Variants in PRDM16 observed in about 807,000 individuals in gnomAD.
The protein encoded by PRDM16 is PR/SET domain 16.
Under a neutral mutation model 110.6 loss-of-function variants are expected in PRDM16, and 23 were observed. The ratio of observed to expected loss-of-function variants is 0.21; its 90% CI spans 0.15 to 0.29. The LOEUF (loss-of-function observed/expected upper bound fraction) is 0.29. Ranked by LOEUF, PRDM16 falls within the 10% of genes least tolerant of loss-of-function variation. The pLI is 1.00. For missense variants in PRDM16, 1,615 were observed against 1,794.3 expected (o/e 0.90, Z 1.81); for synonymous variants, 799 against 781.8 (o/e 1.02, Z -0.37).
chr1:3,199,411 G>A (rs552465089), intron 2 of PRDM16, among the ~76,000 whole-genome samples: 2 of 152,304 alleles, frequency 1.3e-5, no homozygotes, highest in African/African-American at 2.4e-5. Flanking sequence ...TGCCAGTGGG[G>A]CTCTGCTGAG....
intron 1 of PRDM16, among the ~76,000 whole-genome samples, chr1:3,089,341 A>AC (rs34284014): frequency 2.0e-5 from 3 of 151,844 alleles, no homozygotes; most frequent in Admixed American, 2.0e-4. Context: ...CCTGGGACCC[A>AC]CCCCCCACCG....
intron 1 of PRDM16, among the ~76,000 whole-genome samples, chr1:3,118,121 G>A (rs530558089): frequency 3.8e-4 from 58 of 151,112 alleles, no homozygotes; most frequent in African/African-American, 5.6e-4. Flanking sequence ...GTGCGTGTGC[G>A]TGTGTGCGTG....
At chr1:3,329,168 G>A (rs1161319694) in intron 3 of PRDM16, among the ~76,000 whole-genome samples, 5 of 152,234 alleles carry the variant, frequency 3.3e-5, no homozygotes, top group African/African-American at 1.2e-4. Flanking sequence ...CCCAGCAGTT[G>A]TAGGTAGGAA....
intron 5 of PRDM16, among the ~76,000 whole-genome samples, chr1:3,401,567 T>C (rs1021728016): frequency 1.3e-4 from 20 of 152,156 alleles, no homozygotes; most frequent in African/African-American, 3.4e-4. Context: ...TATTCATGCC[T>C]GCACAACTAC....
chr1:3,196,193 C>T (rs184941322), intron 2 of PRDM16, among the ~76,000 whole-genome samples: 37 of 152,334 alleles, frequency 2.4e-4, no homozygotes, highest in African/African-American at 8.2e-4. Flanking sequence ...AGACCCGGTT[C>T]CTGCCCCCAC....
chr1:3,145,895 G>C (rs1194160415), intron 1 of PRDM16, among the ~76,000 whole-genome samples: 1 of 152,226 alleles, frequency 6.6e-6, no homozygotes, highest in African/African-American at 2.4e-5. Flanking sequence ...AGCCCGGTCA[G>C]CCCGGGGTCA....
At chr1:3,258,767 G>A (rs1001572555) in intron 3 of PRDM16, among the ~76,000 whole-genome samples, 1 of 152,226 alleles carries the variant, frequency 6.6e-6, no homozygotes, top group East Asian at 1.9e-4. Flanking sequence ...GCCGGCTCAC[G>A]CACACCGGGT....
At position 3,411,732 on chromosome 1, in the gene PRDM16, C is replaced by T. The variant is rs1457100796; in HGVS notation, c.1535C>T (p.Pro512Leu). 1 of 1,611,610 alleles carries T rather than the reference C, an allele frequency of 6.2e-7. No individual in the cohort carries two copies. Among genetic ancestry groups the T allele is most frequent in the South Asian group, 1.1e-5 (1 of 90,730 alleles). Residue 512 changes from proline to leucine, a missense_variant, in exon 9 of 17, where the codon CCC (proline) becomes CTC (leucine). This residue lies in a region of PRDM16 where 772 missense variants were observed against 748.3 expected (regional missense o/e 1.03). Transcript: ENST00000270722. ...CCTCCCACGTTCCCCGCACTCACCC[C>T]CGGCTTCCCGGGCATCTTCCCTCCA... ...TAPPTFPALT[P>L]GFPGIFPPSL...
At chr1:3,274,485 C>G (rs1640537965) in intron 3 of PRDM16, among the ~76,000 whole-genome samples, 2 of 152,178 alleles carry the variant, frequency 1.3e-5, no homozygotes, top group South Asian at 4.1e-4. Flanking sequence ...TAGCCGGCTG[C>G]GGAAGGAAGG....
intron 1 of PRDM16, among the ~76,000 whole-genome samples, chr1:3,108,064 A>G (rs932521910): frequency 1.3e-5 from 2 of 152,328 alleles, no homozygotes; most frequent in Admixed American, 6.5e-5. Flanking sequence ...ACAAACCTTG[A>G]GTTGGGAGCT....
At chr1:3,256,717 C>T (rs543506414) in intron 3 of PRDM16, among the ~76,000 whole-genome samples, 10 of 152,102 alleles carry the variant, frequency 6.6e-5, no homozygotes, top group Middle Eastern at 3.4e-3. Context: ...ATTAGCCGGG[C>T]ATGGTGGCGG....
chr1:3,342,904 G>A (rs755660155), intron 3 of PRDM16, among the ~76,000 whole-genome samples: 10 of 152,134 alleles, frequency 6.6e-5, no homozygotes, highest in East Asian at 1.9e-4. Context: ...AGGCATGGGC[G>A]TTTTGGGTTG....
chr1:3,303,649 A>G (rs75623240), intron 3 of PRDM16, among the ~76,000 whole-genome samples: 1 of 152,224 alleles, frequency 6.6e-6, no homozygotes, highest in African/African-American at 2.4e-5. Flanking sequence ...ACTGTTCTCC[A>G]TGGCGGCTGC....
intron 1 of PRDM16, among the ~76,000 whole-genome samples, chr1:3,139,517 G>A (rs937273886): frequency 6.6e-5 from 10 of 152,232 alleles, no homozygotes; most frequent in Admixed American, 1.3e-4. Context: ...AGACCCAGGC[G>A]CTCAGCCCAG....
chr1:3,164,084 C>A (rs541835227), intron 1 of PRDM16, among the ~76,000 whole-genome samples: 1 of 152,376 alleles, frequency 6.6e-6, no homozygotes, highest in Admixed American at 6.5e-5. Flanking sequence ...GGGCCACTGG[C>A]CCGCTGCGCC....
chr1:3,360,009 T>C (rs1244491504), intron 3 of PRDM16, among the ~76,000 whole-genome samples: 1 of 152,230 alleles, frequency 6.6e-6, no homozygotes, highest in Non-Finnish European at 1.5e-5. Context: ...CAAACGTAAT[T>C]AACTCCATGC....
intron 8 of PRDM16, among the ~76,000 whole-genome samples, chr1:3,408,532 G>A (rs572521624): frequency 3.4e-4 from 51 of 151,958 alleles, no homozygotes; most frequent in African/African-American, 5.6e-4. Context: ...GTGTGAGAGC[G>A]TGTGTGTGGA....
intron 2 of PRDM16, chr1:3,207,515 C>T (rs1638780779): frequency 6.6e-6 from 1 of 152,258 alleles, no homozygotes; most frequent in South Asian, 2.1e-4. Flanking sequence ...CGGCAGCAGC[C>T]AGAGGTCCCT....
intron 1 of PRDM16, among the ~76,000 whole-genome samples, chr1:3,130,809 T>TA (rs1553130314): frequency 6.6e-5 from 10 of 151,040 alleles, no homozygotes; most frequent in African/African-American, 1.7e-4. Context: ...TTTTTTTTTT[T>TA]AATTTTTTAT....
Sources: gnomAD v4.1 joint callset for allele counts (sites outside exome capture counted in the v4.1 genomes callset) on GRCh38, gnomAD v4.1.1 for gene constraint, gnomAD v4.1.1 regional missense constraint, MANE v1.5 for transcripts, NCBI Gene and HGNC (gene_info 2026-07-23, HGNC 2026-07-21) for gene names.